PRKN: variants seen among roughly 807,000 people sequenced by gnomAD.
PRKN encodes E3 ubiquitin-protein ligase parkin.
In PRKN, 56 loss-of-function variants were observed where a neutral mutation model predicts 59.5. That is an observed-to-expected ratio of 0.94 (90% CI 0.76 to 1.18). PRKN has a LOEUF of 1.18. PRKN is among the 50% of genes most tolerant of loss of function. The pLI is 0.00. For missense variants in PRKN, 657 were observed against 596.4 expected (o/e 1.10, Z -1.06); for synonymous variants, 250 against 222.1 (o/e 1.13, Z -1.12).
At chr6:162,193,875 A>G (rs954434491) in intron 4 of PRKN, among the ~76,000 whole-genome samples, 1 of 152,208 alleles carries the variant, frequency 6.6e-6, no homozygotes, top group East Asian at 1.9e-4. Flanking sequence ...AGGGGCATAA[A>G]CAATGAACAT....
intron 6 of PRKN, among the ~76,000 whole-genome samples, chr6:161,827,411 C>G (rs1407278125): frequency 6.6e-6 from 1 of 151,848 alleles, no homozygotes; most frequent in Non-Finnish European, 1.5e-5. Flanking sequence ...TCAGAGGATA[C>G]ATGTATCTAT....
rs957921084 is a variant in PRKN, at chr6:161,414,017, G to A, written c.1084-27140C>T. On this transcript the variant is annotated intron_variant, in intron 9 of 11. Coordinates refer to ENST00000366898, the MANE Select transcript of PRKN (RefSeq NM_004562.3). This position sits in a 1 kb window ranked among gnomAD's most constrained non-coding sequence, Gnocchi z 5.3. ...CCTGAGAGAAGCAGCCAGGCAGAGCGGTGGGACGTGAAACTCCTCGACAGC... is the reference window on the plus strand; with the variant it reads ...CCTGAGAGAAGCAGCCAGGCAGAGCAGTGGGACGTGAAACTCCTCGACAGC... Among the ~76,000 whole-genome samples the A allele has an allele frequency of 6.6e-5, 10 of 152,110 alleles. No individual in the cohort carries two copies. Among genetic ancestry groups the A allele is most frequent in the African/African-American group, 1.7e-4 (7 of 41,416 alleles).
At position 161,498,539 on chromosome 6, in the gene PRKN, G is replaced by A. The variant is rs537339036; in HGVS notation, c.1083+50315C>T. 5.9e-5 allele frequency among the ~76,000 whole-genome samples: 9 copies of A among 152,208 alleles called. No homozygotes were observed. The highest frequency in any genetic ancestry group is 2.2e-4 in the African/African-American group (9 of 41,528). On this transcript the variant is annotated intron_variant, in intron 9 of 11. Coordinates refer to ENST00000366898, the MANE Select transcript of PRKN (RefSeq NM_004562.3). This position sits in a 1 kb window ranked among gnomAD's most constrained non-coding sequence, Gnocchi z 4.2. ...TAGATGTCGTCAAATGCCTTGTTTG[G>A]CCAATGAAATGTGGGTGGCAATGAC...
chr6:161,496,119 G>A (rs193288172), intron 9 of PRKN, among the ~76,000 whole-genome samples: 11 of 152,368 alleles, frequency 7.2e-5, no homozygotes, highest in African/African-American at 2.4e-4. Flanking sequence ...TGTAAGTGAT[G>A]TGCTCTTGCC....
intron 1 of PRKN, among the ~76,000 whole-genome samples, chr6:162,555,635 CA>C (rs36086989): frequency 0.024 from 3,663 of 150,332 alleles, 167 homozygotes; most frequent in African/African-American, 0.085. Context: ...GAAAAAAATA[CA>C]AAAAAAAAAT....
At chr6:162,330,943 G>A (rs1783543029) in intron 2 of PRKN, among the ~76,000 whole-genome samples, 1 of 152,090 alleles carries the variant, frequency 6.6e-6, no homozygotes, top group Non-Finnish European at 1.5e-5. Flanking sequence ...CAGACCCCAG[G>A]GGTCCTTCAC....
At chr6:161,358,007 G>A (rs1428878599) in intron 11 of PRKN, among the ~76,000 whole-genome samples, 3 of 152,298 alleles carry the variant, frequency 2.0e-5, no homozygotes, top group East Asian at 1.9e-4. Context: ...CTTTACCACC[G>A]ATTTATCACA....
intron 9 of PRKN, among the ~76,000 whole-genome samples, chr6:161,490,839 G>A (rs1219489963): frequency 1.3e-5 from 2 of 152,028 alleles, no homozygotes; most frequent in Non-Finnish European, 2.9e-5. Context: ...TGCTGTTCTC[G>A]TGATCATGAG....
intron 6 of PRKN, among the ~76,000 whole-genome samples, chr6:161,858,857 A>ATTT (rs1491531194): frequency 1.8e-5 from 1 of 55,960 alleles, no homozygotes; most frequent in African/African-American, 5.8e-5. Context: ...GCACAGCTGT[A>ATTT]CTTTTTTTTT....
At chr6:162,418,796 A>T (rs1481754587) in intron 2 of PRKN, among the ~76,000 whole-genome samples, 1 of 151,864 alleles carries the variant, frequency 6.6e-6, no homozygotes, top group Non-Finnish European at 1.5e-5. Flanking sequence ...TGCCTGCACC[A>T]GGGGAGCTGC....
intron 4 of PRKN, among the ~76,000 whole-genome samples, chr6:162,142,594 AC>A (rs1781835944): frequency 6.6e-6 from 1 of 152,220 alleles, no homozygotes; most frequent in Non-Finnish European, 1.5e-5. Flanking sequence ...AAAGATAACA[AC>A]ACAGACCTCA....
intron 8 of PRKN, among the ~76,000 whole-genome samples, chr6:161,556,732 T>C (rs1367743993): frequency 6.6e-6 from 1 of 152,204 alleles, no homozygotes; most frequent in Admixed American, 6.5e-5. Context: ...CTTATCAATA[T>C]TGAATAGCAT....
chr6:162,634,676 T>G (rs985112818), intron 1 of PRKN, among the ~76,000 whole-genome samples: 1 of 152,180 alleles, frequency 6.6e-6, no homozygotes, highest in African/African-American at 2.4e-5. Flanking sequence ...CCAGGCTGAG[T>G]GCAGAGGCGT....
chr6:162,468,128 T>C (rs1442817117), intron 1 of PRKN, among the ~76,000 whole-genome samples: 4 of 152,194 alleles, frequency 2.6e-5, no homozygotes, highest in Admixed American at 1.3e-4. Context: ...GGACTTTGCC[T>C]CTGTATATTC....
chr6:161,868,722 A>C (rs2128226182), intron 6 of PRKN, among the ~76,000 whole-genome samples: 1 of 152,340 alleles, frequency 6.6e-6, no homozygotes, highest in African/African-American at 2.4e-5. Context: ...CATTTTGAAA[A>C]GGCTAAGAAA....
chr6:161,965,530 CT>C, intron 6 of PRKN, among the ~76,000 whole-genome samples: 1 of 152,112 alleles, frequency 6.6e-6, no homozygotes, highest in East Asian at 1.9e-4. Flanking sequence ...GAGTCAAACT[CT>C]GTAAAATATT....
chr6:162,001,353 G>C (rs1049378492), intron 5 of PRKN, among the ~76,000 whole-genome samples: 1 of 151,958 alleles, frequency 6.6e-6, no homozygotes, highest in African/African-American at 2.4e-5. Flanking sequence ...ATCTTGGACA[G>C]TTTTGTTAGT....
At chr6:162,143,826 G>A (rs1781887370) in intron 4 of PRKN, among the ~76,000 whole-genome samples, 1 of 152,166 alleles carries the variant, frequency 6.6e-6, no homozygotes, top group Non-Finnish European at 1.5e-5. Flanking sequence ...AAGAAGACAG[G>A]AGTGAAGCGA....
Position 161,498,497 on chromosome 6 carries a change from T to A in PRKN, c.1083+50357A>T, listed in dbSNP as rs1166354175. Among the ~76,000 whole-genome samples, 1 of 152,144 alleles carries A rather than the reference T, an allele frequency of 6.6e-6. No individual in the cohort carries two copies. The highest frequency in any genetic ancestry group is 1.5e-5 in the Non-Finnish European group (1 of 68,026). On this transcript the variant is annotated intron_variant, in intron 9 of 11. Transcript: ENST00000366898. The surrounding 1 kb of genome is among the most constrained non-coding windows in gnomAD (Gnocchi z 4.2). ...TCCCTGAGAGCTTGTGGGAAGGGTG[T>A]GCTGTCCTAACCCAGTTAGATGTCG...
Sources: gnomAD v4.1 joint callset for allele counts (sites outside exome capture counted in the v4.1 genomes callset) on GRCh38, gnomAD v4.1.1 for gene constraint, Gnocchi (gnomAD v3.1) non-coding constraint, MANE v1.5 for transcripts, NCBI Gene and HGNC (gene_info 2026-07-23, HGNC 2026-07-21) for gene names.